The following RNF220 variants were observed in gnomAD, a reference collection of about 807,000 sequenced individuals.
The protein encoded by RNF220 is ring finger protein 220.
Under a neutral mutation model 67.1 loss-of-function variants are expected in RNF220, and 7 were observed. The observed-to-expected ratio is 0.10, with a 90% confidence interval of 0.06 to 0.20. The LOEUF is 0.20. RNF220 is among the 10% of genes least tolerant of loss of function. The pLI, the probability that RNF220 is intolerant of heterozygous loss-of-function variation, is 1.00. For missense variants in RNF220, 565 were observed against 740.3 expected, an observed-to-expected ratio of 0.76 and a Z score of 2.75; for synonymous variants, 270 against 283.2, an observed-to-expected ratio of 0.95 and a Z score of 0.47.
intron 2 of RNF220, among the ~76,000 whole-genome samples, chr1:44,413,156 G>A (rs1648154000): frequency 6.6e-6 from 1 of 152,078 alleles, no homozygotes; most frequent in African/African-American, 2.4e-5. Flanking sequence ...CTTTTCCATT[G>A]TATCACATCC....
chr1:44,465,231 G>A (rs183631616), intron 2 of RNF220, among the ~76,000 whole-genome samples: 41 of 152,034 alleles, frequency 2.7e-4, no homozygotes, highest in African/African-American at 9.6e-4. Context: ...CTCCCACTGC[G>A]ACACCAGTGG....
chr1:44,629,070 C>T (rs1242298338), intron 5 of RNF220, among the ~76,000 whole-genome samples: 6 of 152,252 alleles, frequency 3.9e-5, no homozygotes, highest in Non-Finnish European at 5.9e-5. Context: ...AATGGCCTCA[C>T]CGCATGTTTG....
chr1:44,523,830 C>T lies in RNF220; in HGVS notation c.626-90335C>T, dbSNP rs563719204. Among the ~76,000 whole-genome samples the T allele has an allele frequency of 7.2e-5, 11 of 152,338 alleles. No individual in the cohort carries two copies. The South Asian group carries it at 1.4e-3, about 20-fold the overall frequency. On this transcript the variant is annotated intron_variant, in intron 2 of 14. Coordinates refer to ENST00000361799, the MANE Select transcript of RNF220 (RefSeq NM_018150.4). The stretch of plus-strand genomic sequence containing the variant: ...AGCATCCAGCGCAGCCCCATCCCCT[C>T]GTCCATCCCGAGCCTGAGACATAGC...
At chr1:44,492,388 C>T (rs1416642302) in intron 2 of RNF220, among the ~76,000 whole-genome samples, 3 of 152,140 alleles carry the variant, frequency 2.0e-5, no homozygotes, top group Non-Finnish European at 4.4e-5. Flanking sequence ...ATAGAGTTGC[C>T]ATTTGTCCCA....
intron 2 of RNF220, among the ~76,000 whole-genome samples, chr1:44,608,797 G>A (rs183031290): frequency 6.6e-5 from 10 of 152,314 alleles, no homozygotes; most frequent in Admixed American, 6.5e-5. Context: ...CTAGGGCCAG[G>A]GCACCTACTG....
In RNF220 at chr1:44,645,379, C is replaced by A; in HGVS notation, c.1367-31C>A. The A allele has an allele frequency of 6.2e-7, 1 of 1,613,842 alleles. No individual in the cohort carries two copies. Among genetic ancestry groups the A allele is most frequent in the Non-Finnish European group, 8.5e-7 (1 of 1,179,802 alleles). On this transcript the variant is annotated intron_variant, in intron 11 of 14. Transcript: ENST00000361799. This position sits in a 1 kb window ranked among gnomAD's most constrained non-coding sequence, Gnocchi z 5.0. ...CCTCACCTGTGCTGCCCAGTCTGGCCGGAGTGTGAGTTGCCCCTCTGTCCC... is the reference window on the plus strand; with the variant it reads ...CCTCACCTGTGCTGCCCAGTCTGGCAGGAGTGTGAGTTGCCCCTCTGTCCC...
intron 2 of RNF220, among the ~76,000 whole-genome samples, chr1:44,521,854 T>C (rs150826512): frequency 1.9e-3 from 283 of 151,226 alleles, no homozygotes; most frequent in African/African-American, 6.3e-3. Flanking sequence ...AGGCTCTCAA[T>C]TGATGTCTAC....
chr1:44,549,158 G>A (rs1039862288), intron 2 of RNF220, among the ~76,000 whole-genome samples: 1 of 152,158 alleles, frequency 6.6e-6, no homozygotes, highest in African/African-American at 2.4e-5. Context: ...GTGCACTCCA[G>A]CCTGGGCAAC....
chr1:44,530,393 T>A (rs912583926), intron 2 of RNF220, among the ~76,000 whole-genome samples: 17 of 152,104 alleles, frequency 1.1e-4, no homozygotes, highest in African/African-American at 4.1e-4. Flanking sequence ...CTCAAGAAAT[T>A]TTGTCTTTCA....
intron 2 of RNF220, among the ~76,000 whole-genome samples, chr1:44,505,218 T>C (rs568099802): frequency 1.5e-4 from 23 of 152,214 alleles, no homozygotes; most frequent in Non-Finnish European, 2.5e-4. Context: ...TTTGCTGCTC[T>C]TTACCACACT....
chr1:44,553,972 A>G (rs1436408401), intron 2 of RNF220, among the ~76,000 whole-genome samples: 1 of 152,164 alleles, frequency 6.6e-6, no homozygotes, highest in Non-Finnish European at 1.5e-5. Flanking sequence ...TGGCTGGCAG[A>G]GAAGGAGCCA....
intron 2 of RNF220, among the ~76,000 whole-genome samples, chr1:44,498,524 T>G (rs1321897020): frequency 6.6e-6 from 1 of 152,100 alleles, no homozygotes; most frequent in African/African-American, 2.4e-5. Flanking sequence ...CCCTGCCAGA[T>G]CATAAGGAAA....
chr1:44,539,818 C>G (rs1027568826), intron 2 of RNF220, among the ~76,000 whole-genome samples: 3 of 152,174 alleles, frequency 2.0e-5, no homozygotes, highest in African/African-American at 7.2e-5. Flanking sequence ...TGTACCTCTC[C>G]CCCAATCTAT....
intron 1 of RNF220, among the ~76,000 whole-genome samples, chr1:44,407,646 G>C (rs1237236137): frequency 6.6e-6 from 1 of 152,054 alleles, no homozygotes; most frequent in Non-Finnish European, 1.5e-5. Context: ...CCTGTTCTGC[G>C]AGCCGCGCGG....
chr1:44,422,585 G>A (rs1649348516), intron 2 of RNF220, among the ~76,000 whole-genome samples: 1 of 152,186 alleles, frequency 6.6e-6, no homozygotes. Context: ...TAAAGTGAGT[G>A]CCTGCTGCTG....
intron 2 of RNF220, among the ~76,000 whole-genome samples, chr1:44,481,131 A>C (rs2148021822): frequency 6.6e-6 from 1 of 152,264 alleles, no homozygotes; most frequent in East Asian, 1.9e-4. Context: ...GGGGATAAAG[A>C]AGAGCAGAAG....
At chr1:44,490,333 G>T (rs1656739651) in intron 2 of RNF220, among the ~76,000 whole-genome samples, 1 of 152,058 alleles carries the variant, frequency 6.6e-6, no homozygotes. Context: ...AGCCAGGCGT[G>T]GTGGCGAGCG....
intron 2 of RNF220, among the ~76,000 whole-genome samples, chr1:44,585,180 C>T (rs760922144): frequency 3.9e-5 from 6 of 152,166 alleles, no homozygotes; most frequent in African/African-American, 1.2e-4. Context: ...TAGTGCCTCT[C>T]GTCCCCAGGT....
intron 2 of RNF220, among the ~76,000 whole-genome samples, chr1:44,582,133 T>C (rs61260531): frequency 0.16 from 23,796 of 152,028 alleles, 4,635 homozygotes; most frequent in African/African-American, 0.45. Context: ...AGTGGAAGAA[T>C]GAGGACAGTC....
Sources: allele counts gnomAD v4.1 joint callset (sites outside exome capture counted in the v4.1 genomes callset), GRCh38; gene constraint gnomAD v4.1.1; non-coding constraint Gnocchi (gnomAD v3.1); transcripts MANE v1.5; gene names NCBI Gene and HGNC (gene_info 2026-07-23, HGNC 2026-07-21).